Variants in SMIM20 observed in about 807,000 individuals in gnomAD.
SMIM20 encodes the protein mitochondrial translation regulation assembly intermediate of cytochrome c oxidase protein of 7 kDa.
Under a neutral mutation model 8.7 loss-of-function variants are expected in SMIM20, and 3 were observed. That is an observed-to-expected ratio of 0.34 (90% CI 0.16 to 0.89). SMIM20 has a LOEUF of 0.89. SMIM20 is among the 40% of genes least tolerant of loss of function. The pLI, the probability that SMIM20 is intolerant of heterozygous loss-of-function variation, is 0.49. For missense variants in SMIM20, 85 were observed against 84.8 expected (o/e 1.00, Z -0.01); for synonymous variants, 44 against 33.6 (o/e 1.31, Z -1.07).
rs1464802468 is a variant in SMIM20, at chr4:25,929,189, T to C, written c.202T>C (p.Ter68ArgextTer7). 5 of 1,552,096 alleles carry C rather than the reference T, an allele frequency of 3.2e-6. No homozygotes were observed. Among genetic ancestry groups the C allele is most frequent in the Non-Finnish European group, 4.4e-6 (5 of 1,147,034 alleles). ...GTGGTCTGATCCATTTGGCAGGAAA[T>C]GAGAGGGCTGTCATCAGCTCTGATT... is the stretch of plus-strand genomic sequence containing the variant. ...KVWSDPFGRK[*>R] The change falls in exon 3 of 3, where the codon TGA becomes CGA. Residue 68 changes from the stop codon to arginine (R), a stop_lost. Coordinates refer to ENST00000506197, the MANE Select transcript of SMIM20 (RefSeq NM_001145432.3).
chr4:25,925,964 AG>A (rs1289324033), intron 1 of SMIM20, among the ~76,000 whole-genome samples: 1 of 152,192 alleles, frequency 6.6e-6, no homozygotes, highest in Non-Finnish European at 1.5e-5. Context: ...CCTTAGCACC[AG>A]GGGGCAGAGT....
intron 1 of SMIM20, among the ~76,000 whole-genome samples, chr4:25,916,626 G>A (rs1719098019): frequency 6.6e-6 from 1 of 152,194 alleles, no homozygotes; most frequent in African/African-American, 2.4e-5. Context: ...CATGATCTCG[G>A]CTCACCGCAA....
At position 25,919,061 on chromosome 4, in the gene SMIM20, C is replaced by T. The variant is rs1263053134; in HGVS notation, c.109+4639C>T. ...CTGGGACTACAGGCGCCCGCCACCG[C>T]GCCCGGCTAATTTTTTGTATTTTTA... On this transcript the variant is annotated intron_variant, in intron 1 of 2. Coordinates refer to ENST00000506197, the MANE Select transcript of SMIM20 (RefSeq NM_001145432.3). 1.0e-4 allele frequency among the ~76,000 whole-genome samples: 15 copies of T among 149,620 alleles called. 1 individual carries two copies. Among genetic ancestry groups the T allele is most frequent in the South Asian group, 2.1e-4 (1 of 4,708 alleles).
At position 25,929,224 on chromosome 4, in the gene SMIM20, G is replaced by A. The variant is rs768162486; in HGVS notation, c.*33G>A. The A allele has an allele frequency of 6.4e-7, 1 of 1,550,572 alleles. No homozygotes were observed. The highest frequency in any genetic ancestry group is 1.2e-5 in the South Asian group (1 of 83,960). On this transcript the variant is annotated 3_prime_UTR_variant, in exon 3 of 3. Coordinates refer to ENST00000506197, the MANE Select transcript of SMIM20 (RefSeq NM_001145432.3). ...GTCATCAGCTCTGATTAAGAAAGGA[G>A]ATTTCTTCATGCTTTCGATTCTGCA...
chr4:25,919,500 G>A (rs1391987738), intron 1 of SMIM20, among the ~76,000 whole-genome samples: 5 of 130,442 alleles, frequency 3.8e-5, no homozygotes, highest in Admixed American at 1.6e-4. Context: ...CACCACGCCC[G>A]GCTAATTTTT....
At chr4:25,926,796 A>G (rs1160884089) in intron 1 of SMIM20, among the ~76,000 whole-genome samples, 1 of 152,240 alleles carries the variant, frequency 6.6e-6, no homozygotes, top group Non-Finnish European at 1.5e-5. Context: ...TAAAACTCAA[A>G]TCTTCCCTCT....
rs1711590057 is a variant in SMIM20, at chr4:25,929,376, A to G, written c.*185A>G. 3.4e-6 allele frequency: 2 copies of G among 579,938 alleles called. No homozygotes were observed. The highest frequency in any genetic ancestry group is 7.1e-5 in the Admixed American group (2 of 27,996). 35.9% of individuals were successfully genotyped at this position (579,938 alleles called of 1,614,324 possible). Reference sequence around the variant, plus strand: ...TTAATATTTCCCTTCTTAAGTATCAAAAGAACTCTGGAACAAATTATACCA... The same window carrying G: ...TTAATATTTCCCTTCTTAAGTATCAGAAGAACTCTGGAACAAATTATACCA... On this transcript the variant is annotated 3_prime_UTR_variant, in exon 3 of 3. Coordinates refer to ENST00000506197, the MANE Select transcript of SMIM20 (RefSeq NM_001145432.3).
chr4:25,915,280 A>G (rs767075059), intron 1 of SMIM20, among the ~76,000 whole-genome samples: 13 of 152,138 alleles, frequency 8.5e-5, no homozygotes, highest in South Asian at 4.1e-4. Context: ...ATACCTCAGC[A>G]AGGATTAGCA....
intron 1 of SMIM20, among the ~76,000 whole-genome samples, chr4:25,923,645 T>C (rs866139206): frequency 6.6e-6 from 1 of 152,232 alleles, no homozygotes; most frequent in Non-Finnish European, 1.5e-5. Context: ...TCAGTTCTGC[T>C]GCTTCTCAGT....
chr4:25,927,929 T>C (rs1169496118), intron 1 of SMIM20, among the ~76,000 whole-genome samples: 1 of 152,266 alleles, frequency 6.6e-6, no homozygotes, highest in Non-Finnish European at 1.5e-5. Context: ...ATAAACTACA[T>C]CGTTTTCTTA....
chr4:25,918,342 C>T (rs1719133276), intron 1 of SMIM20, among the ~76,000 whole-genome samples: 1 of 152,122 alleles, frequency 6.6e-6, no homozygotes, highest in Non-Finnish European at 1.5e-5. Context: ...ACAGATCAAG[C>T]TTCTTAATTC....
rs965977257 is a variant in SMIM20, at chr4:25,914,420, A to G, written c.107A>G (p.Tyr36Cys). Residue 36 changes from tyrosine to cysteine, a missense_variant and splice_region_variant, in exon 1 of 3, where the codon TAC (tyrosine) becomes TGC (cysteine). Coordinates refer to ENST00000506197, the MANE Select transcript of SMIM20 (RefSeq NM_001145432.3). ...CGGCCCCTAATGAGATTGGAGGAGT[A>G]CAGTGAGTGATCTCTAACCCCTTGC... ...YFRPLMRLEE[Y>C]KKEQAINRAG... The G allele has an allele frequency of 4.0e-6, 6 of 1,495,942 alleles. No individual in the cohort carries two copies. The highest frequency in any genetic ancestry group is 5.4e-6 in the Non-Finnish European group (6 of 1,113,370). The allele number at this position is 1,495,942 out of a possible 1,614,324, so 92.7% of individuals were successfully genotyped here. A position where few individuals can be genotyped will look rare whatever the true frequency, so the allele number is the denominator to read the frequency against.
At chr4:25,925,285 C>T (rs914642628) in intron 1 of SMIM20, among the ~76,000 whole-genome samples, 6 of 151,962 alleles carry the variant, frequency 3.9e-5, no homozygotes, top group Middle Eastern at 3.2e-3. Context: ...CGCCCAGGCT[C>T]GAGTGCAGTG....
At chr4:25,916,844 G>C (rs1719101264) in intron 1 of SMIM20, among the ~76,000 whole-genome samples, 1 of 152,226 alleles carries the variant, frequency 6.6e-6, no homozygotes, top group Non-Finnish European at 1.5e-5. Flanking sequence ...ACTGACTGCT[G>C]TAACATTTGT....
intron 1 of SMIM20, among the ~76,000 whole-genome samples, chr4:25,922,992 G>A (rs756883911): frequency 1.8e-4 from 28 of 152,218 alleles, no homozygotes; most frequent in East Asian, 3.8e-4. Flanking sequence ...TCATTTTGGC[G>A]TTCAGCATGA....
intron 1 of SMIM20, among the ~76,000 whole-genome samples, chr4:25,926,580 C>T (rs1711518979): frequency 6.6e-6 from 1 of 152,224 alleles, no homozygotes; most frequent in South Asian, 2.1e-4. Flanking sequence ...TCTTTCTTTT[C>T]ATTTGGTTCT....
chr4:25,929,306 A>G lies in SMIM20; in HGVS notation c.*115A>G, dbSNP rs14553. 190,783 of 1,021,910 alleles carry G rather than the reference A, an allele frequency of 0.19. 19,359 individuals are homozygous for G. Among genetic ancestry groups the G allele is most frequent in the East Asian group, 0.35 (13,254 of 37,972 alleles). The allele number at this position is 1,021,910 out of a possible 1,614,324, so 63.3% of individuals were successfully genotyped here. A position where few individuals can be genotyped will look rare whatever the true frequency, so the allele number is the denominator to read the frequency against. ...GACGGCTGGAGAAGAAAACTCTGTA[A>G]TACCATAAATAAGAGTGCTTGTAAT... On this transcript the variant is annotated 3_prime_UTR_variant, in exon 3 of 3. Transcript: ENST00000506197.
chr4:25,915,940 G>A (rs1015818442), intron 1 of SMIM20, among the ~76,000 whole-genome samples: 2 of 149,264 alleles, frequency 1.3e-5, no homozygotes, highest in Non-Finnish European at 3.0e-5. Flanking sequence ...GTGCATACAA[G>A]ACAGACCCCC....
At chr4:25,921,183 A>G (rs1719195909) in intron 1 of SMIM20, among the ~76,000 whole-genome samples, 1 of 152,168 alleles carries the variant, frequency 6.6e-6, no homozygotes. Context: ...GACCTCAGGG[A>G]GACCAGAGTG....
Sources: gnomAD v4.1 joint callset for allele counts (sites outside exome capture counted in the v4.1 genomes callset) on GRCh38, gnomAD v4.1.1 for gene constraint, MANE v1.5 for transcripts, NCBI Gene and HGNC (gene_info 2026-07-23, HGNC 2026-07-21) for gene names.